Variants in FGL1 observed in about 807,000 individuals in gnomAD.
FGL1 encodes fibrinogen-like protein 1.
FGL1 carries 59 observed loss-of-function variants against 43.7 expected under a neutral mutation model. The ratio of observed to expected loss-of-function variants is 1.35; its 90% CI spans 1.10 to 1.68. The LOEUF is 1.68. Among genes scored for constraint, FGL1 ranks in the 40% most tolerant of loss-of-function variants. The pLI is 0.00. For missense variants in FGL1, 596 were observed against 373.0 expected, an observed-to-expected ratio of 1.60 and a Z score of -4.92; for synonymous variants, 192 against 126.5, an observed-to-expected ratio of 1.52 and a Z score of -3.48.
intron 1 of FGL1, 174 bp downstream of exon 1, chr8:17,895,273 G>T: frequency 2.0e-6 from 2 of 1,013,228 alleles, no homozygotes; most frequent in Non-Finnish European, 2.4e-6. Flanking sequence ...TGTAACAAAA[G>T]ATACATAATT....
intron 2 of FGL1, among the ~76,000 whole-genome samples, chr8:17,883,609 G>T (rs2053583251): frequency 7.3e-6 from 1 of 137,396 alleles, no homozygotes; most frequent in South Asian, 2.2e-4. Context: ...TTACATAATG[G>T]ATTTATATAG....
chr8:17,890,169 C>A (rs2053684286), intron 1 of FGL1, among the ~76,000 whole-genome samples: 4 of 152,324 alleles, frequency 2.6e-5, no homozygotes, highest in African/African-American at 9.6e-5. Flanking sequence ...ACTCTACGTT[C>A]AAAATTTATA....
chr8:17,886,677 G>T (rs968825863), intron 1 of FGL1, among the ~76,000 whole-genome samples: 13 of 152,172 alleles, frequency 8.5e-5, no homozygotes, highest in African/African-American at 3.1e-4. Flanking sequence ...AGAATTGCTT[G>T]AACCCGGGAG....
At chr8:17,880,211 G>C (rs967104730) in intron 3 of FGL1, among the ~76,000 whole-genome samples, 1 of 152,162 alleles carries the variant, frequency 6.6e-6, no homozygotes, top group Non-Finnish European at 1.5e-5. Context: ...AGGGAGGGCA[G>C]TTGGATCAAG....
At chr8:17,887,302 C>A (rs1483880134) in intron 1 of FGL1, among the ~76,000 whole-genome samples, 2 of 152,166 alleles carry the variant, frequency 1.3e-5, no homozygotes, top group Non-Finnish European at 2.9e-5. Flanking sequence ...TGATCGCTCT[C>A]CAAAGAATCC....
intron 5 of FGL1, among the ~76,000 whole-genome samples, chr8:17,871,667 A>G (rs1308947327): frequency 6.6e-6 from 1 of 152,238 alleles, no homozygotes; most frequent in African/African-American, 2.4e-5. Flanking sequence ...GGATAAAGCT[A>G]TTCTCAGAGG....
At chr8:17,866,787 T>C (rs557788404) in intron 7 of FGL1, among the ~76,000 whole-genome samples, 5 of 152,362 alleles carry the variant, frequency 3.3e-5, no homozygotes, top group Admixed American at 1.3e-4. Context: ...ATTATTTCTG[T>C]ATATGGAATT....
intron 3 of FGL1, among the ~76,000 whole-genome samples, chr8:17,875,531 C>CTT: frequency 1.6e-4 from 2 of 12,212 alleles, no homozygotes; most frequent in East Asian, 2.4e-3. Flanking sequence ...TTCTTTCTTT[C>CTT]TTTCTCTTTC....
intron 2 of FGL1, among the ~76,000 whole-genome samples, chr8:17,885,042 G>A (rs1585146718): frequency 6.7e-6 from 1 of 149,390 alleles, no homozygotes; most frequent in Non-Finnish European, 1.5e-5. Flanking sequence ...AAAATGTAAA[G>A]CACTTTTTTT....
intron 3 of FGL1, among the ~76,000 whole-genome samples, chr8:17,877,313 C>A (rs2053470973): frequency 6.6e-6 from 1 of 152,004 alleles, no homozygotes; most frequent in African/African-American, 2.4e-5. Flanking sequence ...TCTGTTTTGA[C>A]AAACACTGTA....
intron 5 of FGL1, among the ~76,000 whole-genome samples, chr8:17,870,776 C>A (rs4921819): frequency 6.6e-6 from 1 of 151,850 alleles, no homozygotes; most frequent in East Asian, 1.9e-4. Context: ...CATGGTGGCA[C>A]GTGCCTGTAA....
chr8:17,887,028 A>C (rs2053638615), intron 1 of FGL1, among the ~76,000 whole-genome samples: 1 of 152,164 alleles, frequency 6.6e-6, no homozygotes. Context: ...TGGAAGATTT[A>C]CTTTCTATTA....
intron 1 of FGL1, among the ~76,000 whole-genome samples, chr8:17,894,678 C>G (rs560717249): frequency 6.8e-6 from 1 of 146,678 alleles, no homozygotes; most frequent in Non-Finnish European, 1.5e-5. Flanking sequence ...AAGTGAGACT[C>G]CATCTCAAAA....
Position 17,874,524 on chromosome 8 carries a change from GT to G in FGL1, c.245-4del, listed in dbSNP as rs1563451556. ...ATCATTGAAAATCTCTGAACAATCT[GT>G]TTTTAAAACAAGGTAATGTAACATT... On this transcript the variant is annotated splice_polypyrimidine_tract_variant and splice_region_variant and intron_variant, in intron 3 of 7. Coordinates refer to ENST00000427924, the MANE Select transcript of FGL1 (RefSeq NM_004467.4). 6.2e-7 allele frequency: 1 copy of G among 1,600,292 alleles called. No individual in the cohort carries two copies. Among genetic ancestry groups the G allele is most frequent in the Non-Finnish European group, 8.5e-7 (1 of 1,172,514 alleles).
chr8:17,884,791 A>T (rs1427407054), intron 2 of FGL1, among the ~76,000 whole-genome samples: 1 of 152,098 alleles, frequency 6.6e-6, no homozygotes, highest in Non-Finnish European at 1.5e-5. Context: ...AAAACCTAGG[A>T]GTTTTCTTTC....
At chr8:17,867,126 T>G (rs898443377) in intron 7 of FGL1, among the ~76,000 whole-genome samples, 1 of 152,232 alleles carries the variant, frequency 6.6e-6, no homozygotes, top group Non-Finnish European at 1.5e-5. Context: ...ACAGCAGTAG[T>G]ACTCCCTTAT....
intron 3 of FGL1, among the ~76,000 whole-genome samples, chr8:17,877,039 T>C (rs959060404): frequency 5.9e-5 from 9 of 152,186 alleles, no homozygotes; most frequent in African/African-American, 1.4e-4. Flanking sequence ...AATTTGCTTA[T>C]AGCTAACAAG....
At position 17,874,042 on chromosome 8, in the gene FGL1, T is replaced by A. The variant is rs750028870; in HGVS notation, c.479A>T (p.Asn160Ile). The A allele has an allele frequency of 3.1e-6, 5 of 1,610,950 alleles. No homozygotes were observed. The East Asian group carries it at 1.1e-4, about 36-fold the overall frequency. ...KHGEYWLGNK[N>I]LHFLTTQEDY... ...ACCTTGAGTGGTCAAGAAGTGAAGATTTTTATTGCCCAGCCAATATTCACC... is the reference window on the plus strand; with the variant it reads ...ACCTTGAGTGGTCAAGAAGTGAAGAATTTTATTGCCCAGCCAATATTCACC... The change falls in exon 5 of 8, where the codon AAT becomes ATT. Residue 160 changes from asparagine (N) to isoleucine (I), a missense_variant. Physicochemically the swap from Asn to Ile is moderately radical, Grantham distance 149. Transcript: ENST00000427924.
intron 5 of FGL1, among the ~76,000 whole-genome samples, chr8:17,870,118 A>C (rs1412991018): frequency 6.6e-6 from 1 of 152,086 alleles, no homozygotes; most frequent in African/African-American, 2.4e-5. Flanking sequence ...GCAAAAAACA[A>C]CAAAAAAACA....
Sources: gnomAD v4.1 joint callset for allele counts (sites outside exome capture counted in the v4.1 genomes callset) on GRCh38, gnomAD v4.1.1 for gene constraint, MANE v1.5 for transcripts, NCBI Gene and HGNC (gene_info 2026-07-23, HGNC 2026-07-21) for gene names.